Variants in DYNC1LI1 observed in about 807,000 individuals in gnomAD.
The protein encoded by DYNC1LI1 is dynein cytoplasmic 1 light intermediate chain 1.
A neutral mutation model predicts 63.8 loss-of-function variants in DYNC1LI1; 19 were observed. The observed-to-expected ratio is 0.30, with a 90% CI of 0.21 to 0.44. The LOEUF (loss-of-function observed/expected upper bound fraction) is 0.44, where lower values mean the gene tolerates loss of function less well. Ranked by LOEUF, DYNC1LI1 falls within the 20% of genes least tolerant of loss-of-function variation. The probability of loss-of-function intolerance (pLI) is 1.00; values close to 1 mark genes in which losing one functional copy is unlikely to be tolerated. For synonymous variants in DYNC1LI1, 225 were observed against 232.3 expected (o/e 0.97, Z 0.28); for missense variants, 565 against 630.2 (o/e 0.90, Z 1.11).
At chr3:32,565,050 T>C (rs1199575191) in intron 2 of DYNC1LI1, among the ~76,000 whole-genome samples, 1 of 152,218 alleles carries the variant, frequency 6.6e-6, no homozygotes, top group African/African-American at 2.4e-5. Context: ...TTTGGCTGCA[T>C]ATTACCGTGG....
At chr3:32,551,465 A>G (rs1320109686) in intron 2 of DYNC1LI1, among the ~76,000 whole-genome samples, 1 of 152,204 alleles carries the variant, frequency 6.6e-6, no homozygotes, top group Non-Finnish European at 1.5e-5. Context: ...CATGAAAGGC[A>G]TCTTATGCCA....
At chr3:32,528,695 A>C (rs1465700656) in intron 11 of DYNC1LI1, 94 bp from the exon 12 acceptor site, 12 of 1,258,994 alleles carry the variant, frequency 9.5e-6, no homozygotes, top group African/African-American at 1.5e-5. Context: ...AAATGAATAA[A>C]CTTAAATTTT....
At chr3:32,564,225 G>C (rs11129523) in intron 2 of DYNC1LI1, among the ~76,000 whole-genome samples, 17,392 of 152,210 alleles carry the variant, frequency 0.11, 1,040 homozygotes, top group East Asian at 0.23. Context: ...GAGGCAGGAA[G>C]ATCTCTTGAG....
intron 2 of DYNC1LI1, among the ~76,000 whole-genome samples, chr3:32,551,649 A>T (rs1200658766): frequency 2.0e-5 from 3 of 152,182 alleles, no homozygotes; most frequent in Admixed American, 2.0e-4. Flanking sequence ...GGTAGTTCTG[A>T]ACTAAGGTAT....
At chr3:32,570,225 G>C (rs1289173376) in intron 2 of DYNC1LI1, 121 bp downstream of exon 2, 4 of 836,906 alleles carry the variant, frequency 4.8e-6, no homozygotes, top group Non-Finnish European at 7.9e-6. Context: ...AGGTCGGGAG[G>C]CGAGGCGGGG....
chr3:32,537,151 A>T, intron 5 of DYNC1LI1, 47 bp from the exon 6 acceptor site: 1 of 1,076,582 alleles, frequency 9.3e-7, no homozygotes, highest in African/African-American at 1.6e-5. Flanking sequence ...AATAATCATA[A>T]CTAAATATAG....
chr3:32,553,899 G>C (rs1054910541), intron 2 of DYNC1LI1, among the ~76,000 whole-genome samples: 3 of 152,250 alleles, frequency 2.0e-5, no homozygotes, highest in Non-Finnish European at 4.4e-5. Flanking sequence ...GGTGTCTTTA[G>C]AGACCATTAA....
rs763777602 is a variant in DYNC1LI1, at chr3:32,526,806, G to A, written c.1565C>T (p.Ala522Val). ...TGGCTTTATTTGGTATCTTCAAGAA[G>A]CTTCTCCTTCCGTAGGAGATGTAGG... ...TTPTSPTEGE[A>V]S Residue 522 changes from alanine (A) to valine (V), a missense_variant, in exon 13 of 13, where the codon GCT becomes GTT. By Grantham distance (64) the Ala-to-Val change is moderately conservative. Coordinates refer to ENST00000273130, the MANE Select transcript of DYNC1LI1 (RefSeq NM_016141.4). 3.7e-6 allele frequency: 6 copies of A among 1,606,692 alleles called. No homozygotes were observed. Among genetic ancestry groups the A allele is most frequent in the Non-Finnish European group, 5.1e-6 (6 of 1,173,304 alleles).
chr3:32,526,914 T>C lies in DYNC1LI1; in HGVS notation c.1463-6A>G, dbSNP rs756967258. On this transcript the variant is annotated splice_region_variant and splice_polypyrimidine_tract_variant and intron_variant, in intron 12 of 12. Transcript: ENST00000273130. The stretch of plus-strand genomic sequence containing the variant: ...ATCTAAGACAGGCTTCTGGCCTACA[T>C]TGAAGAAAAAGAAAAAAAACAAGAT... The C allele has an allele frequency of 3.8e-5, 60 of 1,594,388 alleles. No individual in the cohort carries two copies. The highest frequency in any genetic ancestry group is 3.3e-4 in the Middle Eastern group (2 of 5,992).
chr3:32,530,331 G>GAA lies in DYNC1LI1; in HGVS notation c.1141-5_1141-4dup, dbSNP rs35467710. 1,465 of 1,421,350 alleles carry GAA rather than the reference G, an allele frequency of 1.0e-3. No homozygotes were observed. Among genetic ancestry groups the GAA allele is most frequent in the South Asian group, 2.0e-3 (154 of 78,646 alleles). The allele number at this position is 1,421,350 out of a possible 1,614,324, so 88.0% of individuals were successfully genotyped here. On this transcript the variant is annotated splice_region_variant and splice_polypyrimidine_tract_variant and intron_variant, in intron 9 of 12. Coordinates refer to ENST00000273130, the MANE Select transcript of DYNC1LI1 (RefSeq NM_016141.4). Reference sequence around the variant, plus strand: ...GGTGGTTGCTTTGCTAAAAGGGACTGAAAAAAAAAAAAAAAAAGAATCCTA... The same window carrying GAA: ...GGTGGTTGCTTTGCTAAAAGGGACTGAAAAAAAAAAAAAAAAAAAGAATCCTA...
chr3:32,555,126 T>C (rs1698095513), intron 2 of DYNC1LI1, among the ~76,000 whole-genome samples: 1 of 152,184 alleles, frequency 6.6e-6, no homozygotes, highest in South Asian at 2.1e-4. Context: ...CGCCTCAGCC[T>C]CCCAAAGTGC....
At chr3:32,537,742 C>A (rs1332138598) in intron 5 of DYNC1LI1, among the ~76,000 whole-genome samples, 2 of 148,596 alleles carry the variant, frequency 1.3e-5, no homozygotes, top group Admixed American at 7.0e-5. Context: ...GTTCAAACAT[C>A]ACGACATCCA....
intron 2 of DYNC1LI1, among the ~76,000 whole-genome samples, chr3:32,560,640 T>TAA (rs150804744): frequency 2.0e-5 from 3 of 150,130 alleles, no homozygotes; most frequent in African/African-American, 7.3e-5. Context: ...CACATTACAT[T>TAA]AAAAAAAAAC....
intron 2 of DYNC1LI1, among the ~76,000 whole-genome samples, chr3:32,567,531 T>TTTA (rs71295031): frequency 0.28 from 40,982 of 147,968 alleles, 5,814 homozygotes; most frequent in Non-Finnish European, 0.31. Flanking sequence ...TTTTATTTTA[T>TTTA]TTATTATTAT....
intron 4 of DYNC1LI1, among the ~76,000 whole-genome samples, chr3:32,543,936 C>T (rs532182280): frequency 2.7e-5 from 4 of 149,844 alleles, no homozygotes; most frequent in Non-Finnish European, 4.4e-5. Flanking sequence ...CATGGTGGTA[C>T]GTGCCTGTAC....
chr3:32,530,574 T>A, intron 8 of DYNC1LI1, 54 bp from the exon 9 acceptor site: 3 of 1,407,756 alleles, frequency 2.1e-6, no homozygotes, highest in Non-Finnish European at 3.0e-6. Flanking sequence ...CTAACACAAT[T>A]AATAATTTAT....
intron 3 of DYNC1LI1, 92 bp from the exon 4 acceptor site, chr3:32,545,198 C>A: frequency 1.2e-6 from 1 of 816,996 alleles, no homozygotes; most frequent in East Asian, 2.6e-5. Context: ...AGTGCATCTC[C>A]ACAGGAGATG....
chr3:32,561,027 A>C (rs1698184923), intron 2 of DYNC1LI1, among the ~76,000 whole-genome samples: 1 of 141,072 alleles, frequency 7.1e-6, no homozygotes, highest in Admixed American at 6.9e-5. Context: ...AAAAAAAAAA[A>C]AAAAAACAAA....
At chr3:32,551,592 A>G (rs899127745) in intron 2 of DYNC1LI1, among the ~76,000 whole-genome samples, 7 of 152,216 alleles carry the variant, frequency 4.6e-5, no homozygotes, top group Non-Finnish European at 8.8e-5. Flanking sequence ...GTTTAGGAGT[A>G]AAGAGACAAG....
Sources: gnomAD v4.1 joint callset for allele counts (sites outside exome capture counted in the v4.1 genomes callset) on GRCh38, gnomAD v4.1.1 for gene constraint, MANE v1.5 for transcripts, NCBI Gene and HGNC (gene_info 2026-07-23, HGNC 2026-07-21) for gene names.